PTH1R: variants seen among roughly 807,000 people sequenced by gnomAD.
The protein encoded by PTH1R is parathyroid hormone 1 receptor.
A neutral mutation model predicts 70.7 loss-of-function variants in PTH1R; 32 were observed. The ratio of observed to expected loss-of-function variants is 0.45; its 90% CI spans 0.34 to 0.61. PTH1R has a LOEUF of 0.61. Among genes scored for constraint, PTH1R ranks in the 20% least tolerant of loss-of-function variants. The pLI is 0.01. For missense variants in PTH1R, 626 were observed against 792.5 expected, an observed-to-expected ratio of 0.79 and a Z score of 2.52; for synonymous variants, 329 against 324.8, an observed-to-expected ratio of 1.01 and a Z score of -0.14.
intron 4 of PTH1R, among the ~76,000 whole-genome samples, chr3:46,895,074 A>AC (rs2031662870): frequency 9.3e-6 from 1 of 107,328 alleles, no homozygotes; most frequent in African/African-American, 2.8e-5. Flanking sequence ...AAAAAAAAAA[A>AC]CAAAAAAAAC....
chr3:46,901,082 C>G lies in PTH1R; in HGVS notation c.1046C>G (p.Thr349Ser), dbSNP rs1392717179. ...WVSVRATLAN[T>S]GCWDLSSGNK... ...AGTGTCAGAGCTACCCTGGCCAACA[C>G]CGGGTAGGTCCAGGTGGAGAAGGGG... Residue 349 changes from threonine to serine, a missense_variant, in exon 11 of 16, where the codon ACC becomes AGC. Coordinates refer to ENST00000449590, the MANE Select transcript of PTH1R (RefSeq NM_000316.3). This position sits in a 1 kb window ranked among gnomAD's most constrained non-coding sequence, Gnocchi z 7.3. 6.3e-7 allele frequency: 1 copy of G among 1,575,886 alleles called. No homozygotes were observed. Among genetic ancestry groups the G allele is most frequent in the South Asian group, 1.2e-5 (1 of 86,038 alleles).
At chr3:46,900,123 C>T (rs904310856) in intron 10 of PTH1R, among the ~76,000 whole-genome samples, 3 of 152,166 alleles carry the variant, frequency 2.0e-5, no homozygotes, top group African/African-American at 7.2e-5. Context: ...GGCCGGGTGG[C>T]TGGAGCCCTC....
intron 1 of PTH1R, 93 bp from the exon 2 acceptor site, chr3:46,880,969 G>A (rs1292830034): frequency 1.3e-5 from 2 of 152,196 alleles, no homozygotes; most frequent in African/African-American, 4.8e-5. Context: ...AGAGCCCCTG[G>A]AGCCCATGGG....
rs200929960 is a variant in PTH1R, at chr3:46,902,574, C to T, written c.1260C>T (p.His420=). ...TLVLMPLFGV[H]YIVFMATPYT... Reference sequence around the variant, plus strand: ...TGCTCATGCCCCTCTTTGGCGTCCACTACATTGTCTTCATGGCCACACCAT... The same window carrying T: ...TGCTCATGCCCCTCTTTGGCGTCCATTACATTGTCTTCATGGCCACACCAT... The change falls in exon 14 of 16, where the codon CAC becomes CAT. Residue 420 remains histidine (H), a synonymous_variant. Coordinates refer to ENST00000449590, the MANE Select transcript of PTH1R (RefSeq NM_000316.3). This position sits in a 1 kb window ranked among gnomAD's most constrained non-coding sequence, Gnocchi z 5.4. 7 of 1,613,570 alleles carry T rather than the reference C, an allele frequency of 4.3e-6. No homozygotes were observed. Among genetic ancestry groups the T allele is most frequent in the Non-Finnish European group, 5.9e-6 (7 of 1,179,988 alleles).
intron 5 of PTH1R, 55 bp downstream of exon 5, chr3:46,895,924 C>G: frequency 1.3e-6 from 2 of 1,584,548 alleles, no homozygotes; most frequent in South Asian, 2.3e-5. Context: ...CACCCACCCC[C>G]ATTGCACTGT....
At chr3:46,886,114 T>G (rs2031003275) in intron 3 of PTH1R, among the ~76,000 whole-genome samples, 1 of 152,028 alleles carries the variant, frequency 6.6e-6, no homozygotes, top group Admixed American at 6.6e-5. Context: ...ACCCACAGAT[T>G]GTGAGTAGGA....
At chr3:46,881,452 G>C (rs994364409) in intron 2 of PTH1R, among the ~76,000 whole-genome samples, 2 of 152,168 alleles carry the variant, frequency 1.3e-5, no homozygotes, top group Non-Finnish European at 2.9e-5. Flanking sequence ...GGGTGGGAAC[G>C]GGGGAGGGAG....
In PTH1R at chr3:46,883,054, G is replaced by C. The variant is rs1039972059; in HGVS notation, c.-48-458G>C. Among the ~76,000 whole-genome samples, 1 of 151,280 alleles carries C rather than the reference G, an allele frequency of 6.6e-6. No individual in the cohort carries two copies. Among genetic ancestry groups the C allele is most frequent in the Non-Finnish European group, 1.5e-5 (1 of 67,720 alleles). ...GGAGCTAAAAATAACAGTCCTGCGC[G>C]CCCCCCGCAGACCGCGACCCCGACC... is the stretch of plus-strand genomic sequence containing the variant. On this transcript the variant is annotated intron_variant, in intron 2 of 15. Coordinates refer to ENST00000449590, the MANE Select transcript of PTH1R (RefSeq NM_000316.3). This position sits in a 1 kb window ranked among gnomAD's most constrained non-coding sequence, Gnocchi z 6.4.
Position 46,903,769 on chromosome 3 carries a change from A to C in PTH1R, c.*113A>C, listed in dbSNP as rs1345191846. On this transcript the variant is annotated 3_prime_UTR_variant, in exon 16 of 16. Transcript: ENST00000449590. The surrounding 1 kb of genome is among the most constrained non-coding windows in gnomAD (Gnocchi z 4.4). ...GGGGCCAAGAGGAAAAACAGGGAAAAAAAGAAAAAAAAAAGAAAAAGGAAA... is the reference window on the plus strand; with the variant it reads ...GGGGCCAAGAGGAAAAACAGGGAAACAAAGAAAAAAAAAAGAAAAAGGAAA... 12 of 1,514,914 alleles carry C rather than the reference A, an allele frequency of 7.9e-6. No homozygotes were observed. The highest frequency in any genetic ancestry group is 1.1e-5 in the Non-Finnish European group (12 of 1,131,292). The allele number at this position is 1,514,914 out of a possible 1,614,324, so 93.8% of individuals were successfully genotyped here. A position where few individuals can be genotyped will look rare whatever the true frequency, so the allele number is the denominator to read the frequency against.
intron 1 of PTH1R, among the ~76,000 whole-genome samples, chr3:46,878,328 C>T (rs540088672): frequency 6.6e-6 from 1 of 152,326 alleles, no homozygotes; most frequent in South Asian, 2.1e-4. Context: ...GGGCTCTTGC[C>T]TCAAAAAGTT....
intron 7 of PTH1R, 34 bp from the exon 8 acceptor site, chr3:46,898,343 AG>A: frequency 1.2e-6 from 2 of 1,605,854 alleles, no homozygotes; most frequent in Non-Finnish European, 1.7e-6. Flanking sequence ...CCTGGGTCCC[AG>A]GGCTCTGACT....
At chr3:46,880,755 AAAG>A (rs1169063101) in intron 1 of PTH1R, among the ~76,000 whole-genome samples, 3 of 142,716 alleles carry the variant, frequency 2.1e-5, no homozygotes, top group African/African-American at 3.1e-5. Flanking sequence ...GAAGGAGAAG[AAAG>A]AAGAAGAAAG....
At chr3:46,895,713 A>G (rs1349722524) in intron 4 of PTH1R, 22 bp from the exon 5 acceptor site, 11 of 1,613,928 alleles carry the variant, frequency 6.8e-6, no homozygotes, top group Non-Finnish European at 9.3e-6. Flanking sequence ...GACAGCCATC[A>G]TTACCACCCT....
At position 46,882,404 on chromosome 3, in the gene PTH1R, G is replaced by A. The variant is rs891943496; in HGVS notation, c.-48-1108G>A. 2.0e-5 allele frequency: 3 copies of A among 151,702 alleles called. No homozygotes were observed. Among genetic ancestry groups the A allele is most frequent in the African/African-American group, 7.3e-5 (3 of 41,322 alleles). The allele number at this position is 151,702 out of a possible 1,614,324, so 9.4% of individuals were successfully genotyped here. A position where few individuals can be genotyped will look rare whatever the true frequency, so the allele number is the denominator to read the frequency against. On this transcript the variant is annotated intron_variant, in intron 2 of 15. Transcript: ENST00000449590. The surrounding 1 kb of genome is among the most constrained non-coding windows in gnomAD (Gnocchi z 4.3). ...GCCGCGGACGGGGCGCTGGCTTGGG[G>A]AGGCTGTCGGGGGGGCCCCGACATC...
In PTH1R at chr3:46,899,313, G is replaced by A. The variant is rs2031973695; in HGVS notation, c.845G>A (p.Arg282Lys). The A allele has an allele frequency of 6.2e-7, 1 of 1,613,966 alleles. No individual in the cohort carries two copies. Among genetic ancestry groups the A allele is most frequent in the African/African-American group, 1.3e-5 (1 of 75,044 alleles). ...CAGCTGGTCTCTTAGGCGGGCTGCA[G>A]GGTGGCTGTGACCTTCTTCCTTTAC... Reference protein sequence around the residue: ...ATAAAGYAGCRVAVTFFLYFL... With the variant: ...ATAAAGYAGCKVAVTFFLYFL... Residue 282 changes from arginine to lysine, a missense_variant, in exon 10 of 16, where the codon AGG (arginine) becomes AAG (lysine). By Grantham distance (26) the Arg-to-Lys change is conservative. This residue lies in a region of PTH1R where 495 missense variants were observed against 638.7 expected (regional missense o/e 0.77). Transcript: ENST00000449590.
At position 46,895,839 on chromosome 3, in the gene PTH1R, A is replaced by G. The variant is rs1366330183; in HGVS notation, c.283A>G (p.Lys95Glu). The change falls in exon 5 of 16, where the codon AAG (lysine) becomes GAG (glutamate). Residue 95 changes from lysine to glutamate, a missense_variant. By Grantham distance (56) the Lys-to-Glu change is moderately conservative (BLOSUM62 1). This residue lies in a region of PTH1R where 123 missense variants were observed against 125.7 expected (regional missense o/e 0.98). Coordinates refer to ENST00000449590, the MANE Select transcript of PTH1R (RefSeq NM_000316.3). ...GKLYPESEEDKEAPTGSRYRG... is the reference protein window; with the variant it reads ...GKLYPESEEDEEAPTGSRYRG... ...GCTCTACCCTGAGTCTGAGGAGGAC[A>G]AGGAGGCACCCACTGGCAGCAGGTA... 1.9e-6 allele frequency: 3 copies of G among 1,613,796 alleles called. No individual in the cohort carries two copies. The Admixed American group carries it at 5.0e-5, about 27-fold the overall frequency.
In PTH1R at chr3:46,903,342, G is replaced by A. The variant is rs773660422; in HGVS notation, c.1468G>A (p.Gly490Arg). 1.9e-5 allele frequency: 31 copies of A among 1,613,600 alleles called. No individual in the cohort carries two copies. Among genetic ancestry groups the A allele is most frequent in the African/African-American group, 1.7e-4 (13 of 74,932 alleles). ...ALDFKRKARS[G>R]SSSYSYGPMV... The stretch of plus-strand genomic sequence containing the variant: ...GGACTTCAAGCGAAAGGCACGCAGC[G>A]GGAGCAGCAGCTATAGCTACGGCCC... The change falls in exon 16 of 16, where the codon GGG becomes AGG. Residue 490 changes from glycine to arginine, a missense_variant. Physicochemically the swap from Gly to Arg is moderately radical, Grantham distance 125 (BLOSUM62 -2). Around this residue, in one of 3 missense-constraint regions of PTH1R, gnomAD observed 495 missense variants for 638.7 expected, o/e 0.77. Transcript: ENST00000449590. This position sits in a 1 kb window ranked among gnomAD's most constrained non-coding sequence, Gnocchi z 4.4.
chr3:46,903,499 C>T lies in PTH1R; in HGVS notation c.1625C>T (p.Thr542Ile). 3 of 1,613,904 alleles carry T rather than the reference C, an allele frequency of 1.9e-6. No homozygotes were observed. The highest frequency in any genetic ancestry group is 1.7e-5 in the Admixed American group (1 of 60,036). ...PQLPGHAKPG[T>I]PALETLETTP... ...CTGCCTGGCCATGCCAAGCCAGGGA[C>T]CCCAGCCCTGGAGACCCTCGAGACC... The change falls in exon 16 of 16, where the codon ACC becomes ATC. Residue 542 changes from threonine (T) to isoleucine (I), a missense_variant. By Grantham distance (89) the Thr-to-Ile change is moderately conservative. This residue lies in a region of PTH1R where 495 missense variants were observed against 638.7 expected (regional missense o/e 0.77). Transcript: ENST00000449590. This position sits in a 1 kb window ranked among gnomAD's most constrained non-coding sequence, Gnocchi z 4.4.
chr3:46,893,367 T>C lies in PTH1R; in HGVS notation c.76-540T>C, dbSNP rs1045124354. On this transcript the variant is annotated intron_variant, in intron 3 of 15. Transcript: ENST00000449590. This position sits in a 1 kb window ranked among gnomAD's most constrained non-coding sequence, Gnocchi z 5.2. Reference sequence around the variant, plus strand: ...CTTGGGATTGTAAGGAGGGGAGGCATTGAGGCACTCACCGTTCACTGGGGA... The same window carrying C: ...CTTGGGATTGTAAGGAGGGGAGGCACTGAGGCACTCACCGTTCACTGGGGA... 2.6e-5 allele frequency among the ~76,000 whole-genome samples: 4 copies of C among 151,986 alleles called. No homozygotes were observed. Among genetic ancestry groups the C allele is most frequent in the African/African-American group, 9.7e-5 (4 of 41,350 alleles).
Sources: gnomAD v4.1 joint callset for allele counts (sites outside exome capture counted in the v4.1 genomes callset) on GRCh38, gnomAD v4.1.1 for gene constraint, gnomAD v4.1.1 regional missense constraint, Gnocchi (gnomAD v3.1) non-coding constraint, MANE v1.5 for transcripts, NCBI Gene and HGNC (gene_info 2026-07-23, HGNC 2026-07-21) for gene names.